NUP188: variants seen among roughly 807,000 people sequenced by gnomAD.
The protein encoded by NUP188 is nucleoporin 188.
NUP188 carries 97 observed loss-of-function variants against 223.0 expected under a neutral mutation model. The observed-to-expected ratio is 0.43, with a 90% CI of 0.37 to 0.51. The LOEUF (loss-of-function observed/expected upper bound fraction) is 0.51. NUP188 is among the 20% of genes least tolerant of loss of function. The probability of loss-of-function intolerance (pLI) is 0.00; values close to 1 mark genes in which losing one functional copy is unlikely to be tolerated. For missense variants in NUP188, 1,947 were observed against 2,175.6 expected, an observed-to-expected ratio of 0.89 and a Z score of 2.09; for synonymous variants, 869 against 828.0, an observed-to-expected ratio of 1.05 and a Z score of -0.85.
intron 5 of NUP188, among the ~76,000 whole-genome samples, chr9:128,957,607 G>GGCGCCTGCCACC (rs1841889456): frequency 1.3e-5 from 2 of 152,102 alleles, no homozygotes; most frequent in Non-Finnish European, 2.9e-5. Flanking sequence ...TGGGACTATA[G>GGCGCCTGCCACC]GCGCCTGCCA....
rs372878588 is a variant in NUP188 at position 128,987,244 on chromosome 9, T to A, written c.2265-345T>A. Among the ~76,000 whole-genome samples, 10 of 152,248 alleles carry A rather than the reference T, an allele frequency of 6.6e-5. No homozygotes were observed. In the East Asian group the frequency reaches 1.5e-3, roughly 23 times the overall value. On this transcript the variant is annotated intron_variant, in intron 22 of 43. Transcript: ENST00000372577. ...GCATCCCAGGGCCAGTTACTATGTA[T>A]TCTTGGTTTTTTCCTCTTTCTGTAT...
At chr9:128,968,292 C>T (rs184734728) in intron 8 of NUP188, among the ~76,000 whole-genome samples, 7 of 151,980 alleles carry the variant, frequency 4.6e-5, no homozygotes, top group African/African-American at 1.4e-4. Context: ...AAATTAAATA[C>T]GGACCAGGTG....
chr9:128,952,907 A>G, intron 3 of NUP188, 61 bp downstream of exon 3: 1 of 1,299,342 alleles, frequency 7.7e-7, no homozygotes. Flanking sequence ...CATGGATAAA[A>G]CCATCCTTCT....
Position 128,994,938 on chromosome 9 carries a change from C to G in NUP188, c.3155+15C>G. ...TATGTAGTAAAGTGAGTACTTTCCC[C>G]TCTTGAGATTTTAACTGAAGGTTGG... On this transcript the variant is annotated intron_variant, in intron 29 of 43. Transcript: ENST00000372577. 3 of 1,588,454 alleles carry G rather than the reference C, an allele frequency of 1.9e-6. No homozygotes were observed. The highest frequency in any genetic ancestry group is 2.6e-6 in the Non-Finnish European group (3 of 1,156,778).
chr9:128,998,653 A>G (rs1487272368), intron 32 of NUP188, 30 bp downstream of exon 32: 6 of 1,568,930 alleles, frequency 3.8e-6, no homozygotes, highest in Non-Finnish European at 5.3e-6. Flanking sequence ...GGCAAGCCCG[A>G]GGCCAGAGCC....
intron 38 of NUP188, chr9:129,004,773 G>C (rs561227715): frequency 2.7e-5 from 6 of 222,704 alleles, no homozygotes; most frequent in Non-Finnish European, 5.4e-5. Context: ...AAAGTGCTGG[G>C]ATTACAGGCA....
Position 129,006,030 on chromosome 9 carries a change from T to C in NUP188, c.4870-20T>C. The C allele has an allele frequency of 6.2e-7, 1 of 1,614,048 alleles. No homozygotes were observed. Among genetic ancestry groups the C allele is most frequent in the Non-Finnish European group, 8.5e-7 (1 of 1,179,930 alleles). The stretch of plus-strand genomic sequence containing the variant: ...GAGCTGTTCCTGTTGTCTTAGTTTT[T>C]TACCCTTGCTTCTCTTCAGCTGGAC... On this transcript the variant is annotated intron_variant, in intron 41 of 43. Coordinates refer to ENST00000372577, the MANE Select transcript of NUP188 (RefSeq NM_015354.3).
Position 129,005,165 on chromosome 9 carries a change from T to C in NUP188, c.4453T>C (p.Cys1485Arg). The change falls in exon 39 of 44, where the codon TGC becomes CGC. Residue 1485 changes from cysteine (C) to arginine (R), a missense_variant. By Grantham distance (180) the Cys-to-Arg change is radical (BLOSUM62 -3). This residue lies in a region of NUP188 where 905 missense variants were observed against 990.6 expected (regional missense o/e 0.91). Coordinates refer to ENST00000372577, the MANE Select transcript of NUP188 (RefSeq NM_015354.3). ...CTCCCAGGTCAACCTGGGTTACTTG[T>C]GCCAGGCATGTACCTCTCTCCTGCA... The part of the protein sequence containing the change: ...RDIQVNLGYL[C>R]QACTSLLHSR... 9 of 1,614,046 alleles carry C rather than the reference T, an allele frequency of 5.6e-6. No homozygotes were observed. The highest frequency in any genetic ancestry group is 6.8e-6 in the Non-Finnish European group (8 of 1,179,924).
chr9:128,982,463 G>T (rs1842269692), intron 15 of NUP188, 86 bp from the exon 16 acceptor site: 3 of 1,205,630 alleles, frequency 2.5e-6, no homozygotes, highest in African/African-American at 1.5e-5. Flanking sequence ...GTGTATCTCT[G>T]TGTGTTTAAA....
Position 129,006,357 on chromosome 9 carries a change from A to G in NUP188, c.5062A>G (p.Ser1688Gly). ...RDKQRMKQEL[S>G]SELSTLLSSL... Reference sequence around the variant, plus strand: ...CAAACAGCGGATGAAGCAGGAGCTCAGCTCTGAGTTGGTACGGATGGATAG... The same window carrying G: ...CAAACAGCGGATGAAGCAGGAGCTCGGCTCTGAGTTGGTACGGATGGATAG... Residue 1688 changes from serine to glycine, a missense_variant, in exon 43 of 44, where the codon AGC becomes GGC. Around this residue, in one of 3 missense-constraint regions of NUP188, gnomAD observed 905 missense variants for 990.6 expected, o/e 0.91. Coordinates refer to ENST00000372577, the MANE Select transcript of NUP188 (RefSeq NM_015354.3). The G allele has an allele frequency of 6.2e-7, 1 of 1,614,196 alleles. No individual in the cohort carries two copies. Among genetic ancestry groups the G allele is most frequent in the South Asian group, 1.1e-5 (1 of 91,086 alleles).
Position 128,995,481 on chromosome 9 carries a change from C to G in NUP188, c.3318C>G (p.Ala1106=), listed in dbSNP as rs1842508164. The change falls in exon 30 of 44, where the codon GCC becomes GCG. Residue 1106 remains alanine (A), a synonymous_variant. Coordinates refer to ENST00000372577, the MANE Select transcript of NUP188 (RefSeq NM_015354.3). ...TAGAGTACCAGATGCTGGTGTCCGC[C>G]TGGAGGATGCTTCTCATCATTGCCA... ...SLLEYQMLVS[A]WRMLLIIATT... 3 of 1,605,936 alleles carry G rather than the reference C, an allele frequency of 1.9e-6. No homozygotes were observed. Among genetic ancestry groups the G allele is most frequent in the Non-Finnish European group, 2.6e-6 (3 of 1,176,356 alleles).
At chr9:128,986,092 T>C (rs1314005360) in intron 20 of NUP188, among the ~76,000 whole-genome samples, 1 of 152,146 alleles carries the variant, frequency 6.6e-6, no homozygotes, top group Non-Finnish European at 1.5e-5. Context: ...GATATTTATA[T>C]ATAACTAAAG....
At position 128,968,699 on chromosome 9, in the gene NUP188, C is replaced by A. The variant is rs1460626664; in HGVS notation, c.779C>A (p.Pro260His). The change falls in exon 9 of 44, where the codon CCT becomes CAT. Residue 260 changes from proline (P) to histidine (H), a missense_variant. Coordinates refer to ENST00000372577, the MANE Select transcript of NUP188 (RefSeq NM_015354.3). ...CACCTGGTGGATGAGACTATGGATC[C>A]TTTTGTAGATCGGATTGGGTAAGTC... ...NRHLVDETMD[P>H]FVDRIGYFSA... 6.2e-7 allele frequency: 1 copy of A among 1,613,646 alleles called. No individual in the cohort carries two copies. The highest frequency in any genetic ancestry group is 1.1e-5 in the South Asian group (1 of 91,054).
intron 8 of NUP188, among the ~76,000 whole-genome samples, chr9:128,967,336 C>T (rs1842044010): frequency 6.6e-6 from 1 of 152,082 alleles, no homozygotes; most frequent in Non-Finnish European, 1.5e-5. Context: ...TTTACTATAC[C>T]TTTATAGGAG....
chr9:129,000,760 C>T (rs1264856593), intron 34 of NUP188, among the ~76,000 whole-genome samples: 5 of 151,594 alleles, frequency 3.3e-5, no homozygotes, highest in African/African-American at 4.9e-5. Flanking sequence ...CTTTATGGGC[C>T]GGGCACGGTG....
chr9:128,959,717 A>G (rs1411053336), intron 8 of NUP188, among the ~76,000 whole-genome samples: 1 of 141,802 alleles, frequency 7.1e-6, no homozygotes, highest in African/African-American at 2.6e-5. Context: ...TATTTTTAGT[A>G]GAGATAGAGA....
intron 21 of NUP188, 39 bp downstream of exon 21, chr9:128,986,717 G>A (rs1412289615): frequency 1.2e-6 from 2 of 1,613,834 alleles, no homozygotes; most frequent in East Asian, 4.5e-5. Flanking sequence ...GGGGATTTCT[G>A]GCCCCACTGG....
In NUP188 at chr9:128,995,510, C is replaced by G. The variant is rs770780212; in HGVS notation, c.3347C>G (p.Thr1116Ser). The change falls in exon 30 of 44, where the codon ACT (threonine) becomes AGT (serine). Residue 1116 changes from threonine to serine, a missense_variant. Transcript: ENST00000372577. ...AWRMLLIIATTHADIMHLTDS... is the reference protein window; with the variant it reads ...AWRMLLIIATSHADIMHLTDS... ...AGGATGCTTCTCATCATTGCCACCA[C>G]TCATGTAAGACCCTTTTGGGGAGAG... 3 of 1,589,092 alleles carry G rather than the reference C, an allele frequency of 1.9e-6. No homozygotes were observed. Among genetic ancestry groups the G allele is most frequent in the Non-Finnish European group, 2.6e-6 (3 of 1,168,762 alleles).
Position 128,959,023 on chromosome 9 carries a change from T to C in NUP188, c.474T>C (p.Tyr158=), listed in dbSNP as rs1564550960. The C allele has an allele frequency of 6.3e-7, 1 of 1,575,388 alleles. No individual in the cohort carries two copies. Among genetic ancestry groups the C allele is most frequent in the East Asian group, 2.3e-5 (1 of 44,242 alleles). The change falls in exon 8 of 44, where the codon TAT becomes TAC. Residue 158 remains tyrosine, a synonymous_variant. Coordinates refer to ENST00000372577, the MANE Select transcript of NUP188 (RefSeq NM_015354.3). ...QDERHPYRVE[Y]ADCVDKLEKE... ...CTTTTGATTTTTTAAAGGTTGAATA[T>C]GCAGACTGTGTTGATAAATTGGAGA...
Sources: allele counts gnomAD v4.1 joint callset (sites outside exome capture counted in the v4.1 genomes callset), GRCh38; gene constraint gnomAD v4.1.1; regional missense constraint gnomAD v4.1.1; transcripts MANE v1.5; gene names NCBI Gene and HGNC (gene_info 2026-07-23, HGNC 2026-07-21).